The following ST6GALNAC3 variants were observed in gnomAD, a reference collection of about 807,000 sequenced individuals.
ST6GALNAC3 encodes the protein alpha-N-acetylgalactosaminide alpha-2,6-sialyltransferase 3.
Under a neutral mutation model 32.7 loss-of-function variants are expected in ST6GALNAC3, and 25 were observed. The observed-to-expected ratio is 0.76, with a 90% CI of 0.56 to 1.07. ST6GALNAC3 has a LOEUF of 1.07. ST6GALNAC3 is among the 50% of genes least tolerant of loss of function. ST6GALNAC3 has a pLI of 0.00. For synonymous variants in ST6GALNAC3, 129 were observed against 133.1 expected (o/e 0.97, Z 0.21); for missense variants, 355 against 382.4 (o/e 0.93, Z 0.60).
intron 1 of ST6GALNAC3, among the ~76,000 whole-genome samples, chr1:76,180,252 A>G (rs920288555): frequency 3.3e-5 from 5 of 152,214 alleles, no homozygotes; most frequent in African/African-American, 1.2e-4. Flanking sequence ...TGTGACACTC[A>G]GTAAGTTACT....
At chr1:76,332,784 C>T (rs1326800429) in intron 2 of ST6GALNAC3, among the ~76,000 whole-genome samples, 1 of 152,158 alleles carries the variant, frequency 6.6e-6, no homozygotes, top group Non-Finnish European at 1.5e-5. Context: ...CATTTTGAAT[C>T]CTAAATTATA....
chr1:76,525,239 C>T (rs1212806208), intron 3 of ST6GALNAC3, among the ~76,000 whole-genome samples: 1 of 152,026 alleles, frequency 6.6e-6, no homozygotes, highest in Non-Finnish European at 1.5e-5. Context: ...TGGAACATTT[C>T]CCATAGGCCT....
At chr1:76,340,900 G>A (rs1439213498) in intron 2 of ST6GALNAC3, among the ~76,000 whole-genome samples, 3 of 151,898 alleles carry the variant, frequency 2.0e-5, no homozygotes, top group Non-Finnish European at 2.9e-5. Context: ...CCAAGGCAAG[G>A]TCACAGATAA....
intron 1 of ST6GALNAC3, among the ~76,000 whole-genome samples, chr1:76,134,205 CT>C (rs142329536): frequency 0.01 from 1,580 of 152,324 alleles, 26 homozygotes; most frequent in African/African-American, 0.037. Context: ...AAGATGGCTG[CT>C]TCCTCAGCAT....
intron 1 of ST6GALNAC3, among the ~76,000 whole-genome samples, chr1:76,284,082 G>T (rs1659646920): frequency 6.6e-6 from 1 of 152,186 alleles, no homozygotes; most frequent in Non-Finnish European, 1.5e-5. Context: ...GATGTTAAAA[G>T]AACAGAAATT....
At chr1:76,220,218 A>G (rs966151120) in intron 1 of ST6GALNAC3, among the ~76,000 whole-genome samples, 2 of 152,160 alleles carry the variant, frequency 1.3e-5, no homozygotes, top group Non-Finnish European at 2.9e-5. Flanking sequence ...TTTCCCTGCA[A>G]TGTAACAGTC....
At chr1:76,130,291 G>A (rs559874652) in intron 1 of ST6GALNAC3, among the ~76,000 whole-genome samples, 1 of 152,340 alleles carries the variant, frequency 6.6e-6, no homozygotes, top group Non-Finnish European at 1.5e-5. Context: ...ATGTAGCAAG[G>A]TGTGTGGGGT....
chr1:76,099,758 C>T (rs1259556739), intron 1 of ST6GALNAC3, among the ~76,000 whole-genome samples: 1 of 152,050 alleles, frequency 6.6e-6, no homozygotes, highest in African/African-American at 2.4e-5. Context: ...AAACCACATC[C>T]TAAAAATGTA....
At chr1:76,123,288 A>G (rs1649008911) in intron 1 of ST6GALNAC3, among the ~76,000 whole-genome samples, 1 of 151,758 alleles carries the variant, frequency 6.6e-6, no homozygotes, top group Admixed American at 6.6e-5. Flanking sequence ...CTGAGACAGC[A>G]GAATTGCTTG....
At chr1:76,538,454 C>T (rs1252708263) in intron 3 of ST6GALNAC3, among the ~76,000 whole-genome samples, 2 of 152,004 alleles carry the variant, frequency 1.3e-5, no homozygotes, top group Non-Finnish European at 2.9e-5. Flanking sequence ...TTTTGCAAAC[C>T]AGTACAAGAC....
chr1:76,218,693 C>T (rs505931), intron 1 of ST6GALNAC3, among the ~76,000 whole-genome samples: 26,494 of 152,152 alleles, frequency 0.17, 2,469 homozygotes, highest in Middle Eastern at 0.23. Flanking sequence ...CTGGATACAT[C>T]CATTCCTGCA....
chr1:76,459,834 A>G (rs556059543), intron 3 of ST6GALNAC3, among the ~76,000 whole-genome samples: 1 of 152,270 alleles, frequency 6.6e-6, no homozygotes, highest in South Asian at 2.1e-4. Flanking sequence ...ATTCATTTTT[A>G]TGACTGAATA....
At chr1:76,174,955 A>T (rs575911973) in intron 1 of ST6GALNAC3, among the ~76,000 whole-genome samples, 1 of 152,166 alleles carries the variant, frequency 6.6e-6, no homozygotes, top group South Asian at 2.1e-4. Context: ...GGCATGACCA[A>T]CTGCACTCAG....
At chr1:76,157,461 C>T (rs387214) in intron 1 of ST6GALNAC3, among the ~76,000 whole-genome samples, 19,631 of 152,180 alleles carry the variant, frequency 0.13, 1,630 homozygotes, top group Non-Finnish European at 0.19. Context: ...AAAATAGCCT[C>T]GTCAACTAGA....
intron 3 of ST6GALNAC3, among the ~76,000 whole-genome samples, chr1:76,554,301 T>G (rs17099155): frequency 0.17 from 25,582 of 152,128 alleles, 2,341 homozygotes; most frequent in African/African-American, 0.23. Flanking sequence ...GAATTTTAAG[T>G]CTCTCGGGTT....
intron 1 of ST6GALNAC3, among the ~76,000 whole-genome samples, chr1:76,078,047 C>T (rs1464014426): frequency 6.6e-6 from 1 of 152,174 alleles, no homozygotes; most frequent in Non-Finnish European, 1.5e-5. Context: ...TTACCCCTGT[C>T]ATTGGGTAGT....
At chr1:76,342,529 A>C (rs572496545) in intron 2 of ST6GALNAC3, among the ~76,000 whole-genome samples, 1 of 150,160 alleles carries the variant, frequency 6.7e-6, no homozygotes, top group Non-Finnish European at 1.5e-5. Context: ...GTGTCTGTTC[A>C]TATCCTTTGC....
intron 1 of ST6GALNAC3, among the ~76,000 whole-genome samples, chr1:76,297,473 G>A (rs1267681879): frequency 1.3e-5 from 2 of 151,812 alleles, no homozygotes; most frequent in Admixed American, 6.6e-5. Context: ...AATAAATACA[G>A]GATCCTTATT....
intron 3 of ST6GALNAC3, among the ~76,000 whole-genome samples, chr1:76,588,706 G>A (rs549108889): frequency 3.9e-5 from 6 of 152,274 alleles, no homozygotes; most frequent in South Asian, 4.1e-4. Context: ...AGAAGTCACC[G>A]TATTTCTCCC....
Sources: gnomAD v4.1 joint callset for allele counts (sites outside exome capture counted in the v4.1 genomes callset) on GRCh38, gnomAD v4.1.1 for gene constraint, MANE v1.5 for transcripts, NCBI Gene and HGNC (gene_info 2026-07-23, HGNC 2026-07-21) for gene names.